ELF5: variants seen among roughly 807,000 people sequenced by gnomAD.
ELF5 encodes the protein E74 like ETS transcription factor 5.
ELF5 carries 31 observed loss-of-function variants against 38.2 expected under a neutral mutation model. That is an observed-to-expected ratio of 0.81 (90% CI 0.61 to 1.10). The LOEUF is 1.10. Among genes scored for constraint, ELF5 ranks in the 50% least tolerant of loss-of-function variants. The probability of loss-of-function intolerance (pLI) is 0.00; values close to 1 mark genes in which losing one functional copy is unlikely to be tolerated. For synonymous variants in ELF5, 121 were observed against 112.5 expected, an observed-to-expected ratio of 1.08 and a Z score of -0.48; for missense variants, 300 against 306.6, an observed-to-expected ratio of 0.98 and a Z score of 0.16.
At chr11:34,505,885 CA>C in intron 1 of ELF5, 132 bp from the exon 2 acceptor site, 3 of 1,129,076 alleles carry the variant, frequency 2.7e-6, no homozygotes, top group South Asian at 1.9e-5. Flanking sequence ...TAGGAGCAGG[CA>C]CCGCCTAGTG....
At chr11:34,482,630 G>T (rs1856967733) in intron 4 of ELF5, 131 bp from the exon 5 acceptor site, 5 of 659,794 alleles carry the variant, frequency 7.6e-6, no homozygotes, top group Non-Finnish European at 2.5e-6. Flanking sequence ...CACTTTGGGG[G>T]TGATTACTAG....
At chr11:34,487,619 A>G (rs974330778) in intron 4 of ELF5, among the ~76,000 whole-genome samples, 1 of 152,100 alleles carries the variant, frequency 6.6e-6, no homozygotes, top group African/African-American at 2.4e-5. Context: ...TGCTGCCCAC[A>G]AAGTGGTGAG....
rs566714790 is a variant in ELF5 at position 34,486,072 on chromosome 11, C to T, written c.407-3573G>A. Among the ~76,000 whole-genome samples, 33 of 152,196 alleles carry T rather than the reference C, an allele frequency of 2.2e-4. No individual in the cohort carries two copies. The South Asian group carries it at 6.4e-3, about 30-fold the overall frequency. On this transcript the variant is annotated intron_variant, in intron 4 of 6. Coordinates refer to ENST00000257832, the MANE Select transcript of ELF5 (RefSeq NM_001422.4). ...AAAATGTGGCCAAAGGATGTATCCT[C>T]AATTGTTTATTGCAAGCACTCCAGA...
At chr11:34,494,258 C>G (rs1464777348) in intron 2 of ELF5, among the ~76,000 whole-genome samples, 5 of 152,292 alleles carry the variant, frequency 3.3e-5, no homozygotes, top group Admixed American at 6.5e-5. Flanking sequence ...TTACTAAATG[C>G]CTACCGTGTG....
intron 1 of ELF5, among the ~76,000 whole-genome samples, chr11:34,506,542 TC>T (rs1194411555): frequency 6.6e-6 from 1 of 152,150 alleles, no homozygotes; most frequent in Non-Finnish European, 1.5e-5. Flanking sequence ...AAAGATGTAA[TC>T]CTGCTCTGTC....
At chr11:34,500,023 A>G (rs906728568) in intron 2 of ELF5, among the ~76,000 whole-genome samples, 2 of 152,232 alleles carry the variant, frequency 1.3e-5, no homozygotes, top group East Asian at 1.9e-4. Flanking sequence ...TTAGCCTAGT[A>G]TCTGAATGAC....
intron 2 of ELF5, among the ~76,000 whole-genome samples, chr11:34,496,797 G>A (rs554831536): frequency 8.5e-5 from 13 of 152,276 alleles, no homozygotes; most frequent in African/African-American, 2.4e-4. Flanking sequence ...CTTTACACGT[G>A]AGGAGATTGC....
chr11:34,501,102 CG>C (rs1207847462), intron 2 of ELF5, among the ~76,000 whole-genome samples: 2 of 152,188 alleles, frequency 1.3e-5, no homozygotes, highest in Non-Finnish European at 2.9e-5. Flanking sequence ...TCACGTAACC[CG>C]TAAGTGGCAG....
rs1349773019 is a variant in ELF5, at chr11:34,479,062, G to T, written c.*1156C>A. 1 of 152,608 alleles carries T rather than the reference G, an allele frequency of 6.6e-6. No individual in the cohort carries two copies. The highest frequency in any genetic ancestry group is 2.4e-5 in the African/African-American group (1 of 41,428). The allele number at this position is 152,608 out of a possible 1,614,324, so 9.5% of individuals were successfully genotyped here. A position where few individuals can be genotyped will look rare whatever the true frequency, so the allele number is the denominator to read the frequency against. ...ACCAGTGATTGATGAGAAAATGTCA[G>T]TGCAGACTTTAACCTATGAACATTT... is the stretch of plus-strand genomic sequence containing the variant. On this transcript the variant is annotated 3_prime_UTR_variant, in exon 7 of 7. Transcript: ENST00000257832.
intron 3 of ELF5, among the ~76,000 whole-genome samples, 195 bp from the exon 4 acceptor site, chr11:34,490,254 C>T (rs1850130830): frequency 6.6e-6 from 1 of 152,106 alleles, no homozygotes; most frequent in Admixed American, 6.5e-5. Flanking sequence ...ATAATTTCCT[C>T]ATTATTAAAG....
chr11:34,498,326 T>C (rs998974999), intron 2 of ELF5, among the ~76,000 whole-genome samples: 1 of 151,892 alleles, frequency 6.6e-6, no homozygotes, highest in African/African-American at 2.4e-5. Flanking sequence ...GTCACCACTT[T>C]AATTACATTC....
chr11:34,501,421 G>A (rs1850464956), intron 2 of ELF5, among the ~76,000 whole-genome samples: 1 of 152,180 alleles, frequency 6.6e-6, no homozygotes, highest in African/African-American at 2.4e-5. Context: ...GTCAGGGGAG[G>A]GGTGTTGGTC....
chr11:34,485,833 C>T (rs561769472), intron 4 of ELF5, among the ~76,000 whole-genome samples: 49 of 152,222 alleles, frequency 3.2e-4, no homozygotes, highest in East Asian at 9.7e-4. Flanking sequence ...CCTCCACCAG[C>T]GCTGGGTGGT....
intron 2 of ELF5, among the ~76,000 whole-genome samples, chr11:34,505,037 A>C (rs1850576863): frequency 6.6e-6 from 1 of 152,252 alleles, no homozygotes; most frequent in East Asian, 1.9e-4. Context: ...TGATATATTA[A>C]TATCAATAAC....
chr11:34,496,288 C>T (rs1850318826), intron 2 of ELF5, among the ~76,000 whole-genome samples: 1 of 152,216 alleles, frequency 6.6e-6, no homozygotes, highest in African/African-American at 2.4e-5. Context: ...TGGAGGGGAG[C>T]CAGAGCCCTG....
rs578012717 is a variant in ELF5 at position 34,508,267 on chromosome 11, C to T, written c.-4-2514G>A. 3.5e-3 allele frequency among the ~76,000 whole-genome samples: 529 copies of T among 152,112 alleles called. 1 individual carries two copies. Among genetic ancestry groups the T allele is most frequent in the African/African-American group, 9.2e-3 (382 of 41,508 alleles). On this transcript the variant is annotated intron_variant, in intron 1 of 6. Coordinates refer to ENST00000257832, the MANE Select transcript of ELF5 (RefSeq NM_001422.4). ...CTGTAATCCCAGCACTTTGGGAGGC[C>T]GAGGCGGGTGGGTCACTTGAGGTCA...
At chr11:34,500,311 C>T (rs1176140228) in intron 2 of ELF5, among the ~76,000 whole-genome samples, 1 of 152,144 alleles carries the variant, frequency 6.6e-6, no homozygotes, top group African/African-American at 2.4e-5. Flanking sequence ...ATAGCAGGGG[C>T]ACCATCAATT....
intron 2 of ELF5, among the ~76,000 whole-genome samples, chr11:34,495,965 G>A (rs1159664847): frequency 4.6e-5 from 7 of 152,242 alleles, no homozygotes; most frequent in Non-Finnish European, 8.8e-5. Context: ...TTTCAGCTGC[G>A]GGCCCTGCCC....
At chr11:34,492,057 C>T (rs905083341) in intron 3 of ELF5, 20 of 152,262 alleles carry the variant, frequency 1.3e-4, no homozygotes, top group African/African-American at 4.3e-4. Flanking sequence ...ATACACCCCT[C>T]TCTGTGGCCC....
Sources: allele counts gnomAD v4.1 joint callset (sites outside exome capture counted in the v4.1 genomes callset), GRCh38; gene constraint gnomAD v4.1.1; transcripts MANE v1.5; gene names NCBI Gene and HGNC (gene_info 2026-07-23, HGNC 2026-07-21).